The following HMGB3 variants were observed in gnomAD, a reference collection of about 807,000 sequenced individuals.
HMGB3 encodes the protein high mobility group box 3.
In HMGB3, 1 loss-of-function variant was observed where a neutral mutation model predicts 12.9. The ratio of observed to expected loss-of-function variants is 0.08; its 90% CI spans 0.03 to 0.37. The LOEUF is 0.37. Among genes scored for constraint, HMGB3 ranks in the 10% least tolerant of loss-of-function variants. The pLI is 0.99. For missense variants in HMGB3, 74 were observed against 153.3 expected, an observed-to-expected ratio of 0.48 and a Z score of 2.73; for synonymous variants, 61 against 53.9, an observed-to-expected ratio of 1.13 and a Z score of -0.57.
chrX:150,987,029 T>G (rs1557425253), intron 3 of HMGB3, 99 bp from the exon 4 acceptor site: 7 of 590,988 alleles, frequency 1.2e-5, no homozygotes, highest in Non-Finnish European at 1.9e-5. Flanking sequence ...TAGGGAGAAG[T>G]CATAGTGGTA....
At chrX:150,984,256 C>T (rs1301602559) in intron 1 of HMGB3, among the ~76,000 whole-genome samples, 158 of 91,551 alleles carry the variant, frequency 1.7e-3, no homozygotes, top group African/African-American at 5.9e-3. Flanking sequence ...TTTGTTATCC[C>T]GAGGAGTGCG....
chrX:150,985,967 T>C (rs782005665), intron 2 of HMGB3, 84 bp from the exon 3 acceptor site: 1 of 1,055,140 alleles, frequency 9.5e-7, no homozygotes, highest in South Asian at 2.2e-5. Flanking sequence ...CAAGTGGTTC[T>C]AGCAACTGCT....
chrX:150,988,822 C>A lies in HMGB3; in HGVS notation c.*908C>A, dbSNP rs1473840657. The A allele has an allele frequency of 8.9e-6, 1 of 112,314 alleles. No homozygotes were observed. Among genetic ancestry groups the A allele is most frequent in the Non-Finnish European group, 1.9e-5 (1 of 53,250 alleles). The allele number at this position is 112,314 out of a possible 1,213,427, so 9.3% of individuals were successfully genotyped here. A position where few individuals can be genotyped will look rare whatever the true frequency, so the allele number is the denominator to read the frequency against. The stretch of plus-strand genomic sequence containing the variant: ...TGACTCACAGCAGTGAACAAACCCC[C>A]ACTCCATTGTATTTGGAGACTGGCC... On this transcript the variant is annotated 3_prime_UTR_variant, in exon 5 of 5. Transcript: ENST00000325307.
chrX:150,984,021 C>T lies in HMGB3; in HGVS notation c.-6+645C>T, dbSNP rs1298884537. Among the ~76,000 whole-genome samples the T allele has an allele frequency of 2.7e-4, 27 of 101,432 alleles. 1 individual carries two copies. In the East Asian group the frequency reaches 3.9e-3, roughly 15 times the overall value. 88.1% of individuals were successfully genotyped at this position (101,432 alleles called of 115,157 possible). A position where few individuals can be genotyped will look rare whatever the true frequency, so the allele number is the denominator to read the frequency against. ...GGCCCGGGGGGGCGCGGGCCGGCCG[C>T]CCCCCTCTCGCCTCCCGCCCGCCCG... On this transcript the variant is annotated intron_variant, in intron 1 of 4. Transcript: ENST00000325307.
At chrX:150,986,417 C>T (rs1007919739) in intron 3 of HMGB3, among the ~76,000 whole-genome samples, 1 of 109,907 alleles carries the variant, frequency 9.1e-6, no homozygotes, top group Non-Finnish European at 1.9e-5. Context: ...TGCACATTCA[C>T]AGTGGTTGTC....
At chrX:150,987,040 G>A in intron 3 of HMGB3, 88 bp from the exon 4 acceptor site, 3 of 655,988 alleles carry the variant, frequency 4.6e-6, no homozygotes, top group Admixed American at 2.9e-5. Flanking sequence ...CATAGTGGTA[G>A]GAGGGAGATG....
intron 1 of HMGB3, 75 bp downstream of exon 1, chrX:150,983,451 CGCA>C (rs1378302829): frequency 3.1e-4 from 191 of 625,706 alleles, no homozygotes; most frequent in Non-Finnish European, 3.5e-4. Flanking sequence ...CCGCCGCCGC[CGCA>C]GCGCCCGCAC....
intron 1 of HMGB3, 33 bp downstream of exon 1, chrX:150,983,409 C>A: frequency 3.6e-5 from 2 of 55,087 alleles, no homozygotes. Context: ...CCGCCGCCGC[C>A]GCCGCCGCCG....
chrX:150,983,448 C>T (rs868990394), intron 1 of HMGB3, 72 bp downstream of exon 1: 6 of 372,737 alleles, frequency 1.6e-5, no homozygotes, highest in Non-Finnish European at 1.9e-5. Context: ...CCGCCGCCGC[C>T]GCCGCAGCGC....
rs2048103510 is a variant in HMGB3 at position 150,990,669 on chromosome X, G to A, written c.*2755G>A. 9.1e-6 allele frequency: 1 copy of A among 110,123 alleles called. No homozygotes were observed. Among genetic ancestry groups the A allele is most frequent in the African/African-American group, 3.3e-5 (1 of 30,231 alleles). The allele number at this position is 110,123 out of a possible 1,213,427, so 9.1% of individuals were successfully genotyped here. ...ACAAGGCTGTGATGTAGTGACTATT[G>A]TCTGTGTCTCCTGTGTGTGTCTGTT... On this transcript the variant is annotated 3_prime_UTR_variant, in exon 5 of 5. Transcript: ENST00000325307.
upstream of HMGB3, chrX:150,980,708 T>C: frequency 1.9e-6 from 1 of 520,148 alleles, no homozygotes; most frequent in Non-Finnish European, 2.4e-6. Flanking sequence ...GAAGCATGGA[T>C]CTTGAGGGTG....
upstream of HMGB3, among the ~76,000 whole-genome samples, chrX:150,980,874 T>A (rs1472027049): frequency 1.8e-5 from 2 of 112,552 alleles, no homozygotes; most frequent in Non-Finnish European, 3.8e-5. Flanking sequence ...ACCCTTGTCA[T>A]CCATCCAAGG....
intron 1 of HMGB3, chrX:150,984,521 GCACCGC>G: frequency 2.3e-6 from 1 of 439,103 alleles, no homozygotes; most frequent in African/African-American, 2.7e-5. Flanking sequence ...CACCCCCCGC[GCACCGC>G]CACCGCCGCC....
upstream of HMGB3, among the ~76,000 whole-genome samples, chrX:150,981,096 CAG>C (rs1183655399): frequency 5.4e-5 from 6 of 110,510 alleles, no homozygotes; most frequent in East Asian, 1.4e-3. Flanking sequence ...CTTGTGGAGA[CAG>C]GGGAAGAGGG....
rs2048062974 is a variant in HMGB3, at chrX:150,987,268, C to G, written c.431C>G (p.Thr144Ser). The G allele has an allele frequency of 8.3e-7, 1 of 1,208,165 alleles. No individual in the cohort carries two copies. Among genetic ancestry groups the G allele is most frequent in the Non-Finnish European group, 1.1e-6 (1 of 894,060 alleles). ...GACAGTGAAAAGCAGCCTTACATCA[C>G]TAAGGCGGCAAAGCTGAAGGAGAAG... The part of the protein sequence containing the change: ...LNDSEKQPYI[T>S]KAAKLKEKYE... Residue 144 changes from threonine (T) to serine (S), a missense_variant, in exon 4 of 5, where the codon ACT becomes AGT. Physicochemically the swap from Thr to Ser is moderately conservative, Grantham distance 58. Around this residue, in one of 2 missense-constraint regions of HMGB3, gnomAD observed 45 missense variants for 123.8 expected, o/e 0.36. Transcript: ENST00000325307.
At chrX:150,983,398 CCCG>C (rs782215936) in intron 1 of HMGB3, 22 bp downstream of exon 1, 11,199 of 700,878 alleles carry the variant, frequency 0.016, 110 homozygotes, top group African/African-American at 0.032. Context: ...ACCGCCCGCT[CCCG>C]CCGCCGCCGC....
intron 1 of HMGB3, among the ~76,000 whole-genome samples, chrX:150,985,028 C>T (rs2048038048): frequency 9.0e-6 from 1 of 111,625 alleles, no homozygotes; most frequent in Non-Finnish European, 1.9e-5. Flanking sequence ...GCTCACTTTC[C>T]AGATCTCCCG....
upstream of HMGB3, chrX:150,980,656 GAAATAGATGGTCA>G (rs1187268513): frequency 9.6e-6 from 7 of 726,650 alleles, no homozygotes; most frequent in Non-Finnish European, 1.1e-5. Flanking sequence ...TATGTGGGGA[GAAATAGATGGTCA>G]ATGGGCAGGG....
At position 150,988,687 on chromosome X, in the gene HMGB3, T is replaced by G. The variant is rs1557425319; in HGVS notation, c.*773T>G. On this transcript the variant is annotated 3_prime_UTR_variant, in exon 5 of 5. Transcript: ENST00000325307. Reference sequence around the variant, plus strand: ...AGAACCTCCTGTACTTAAACACGATTCGCAACGTTCTGTTATTTTTTTTGT... The same window carrying G: ...AGAACCTCCTGTACTTAAACACGATGCGCAACGTTCTGTTATTTTTTTTGT... 8.9e-6 allele frequency: 1 copy of G among 112,310 alleles called. No homozygotes were observed. Among genetic ancestry groups the G allele is most frequent in the Non-Finnish European group, 1.9e-5 (1 of 53,248 alleles). 9.3% of individuals were successfully genotyped at this position (112,310 alleles called of 1,213,427 possible). A position where few individuals can be genotyped will look rare whatever the true frequency, so the allele number is the denominator to read the frequency against.
Sources: allele counts gnomAD v4.1 joint callset (sites outside exome capture counted in the v4.1 genomes callset), GRCh38; gene constraint gnomAD v4.1.1; regional missense constraint gnomAD v4.1.1; transcripts MANE v1.5; gene names NCBI Gene and HGNC (gene_info 2026-07-23, HGNC 2026-07-21).